AGBL3: variants seen among roughly 807,000 people sequenced by gnomAD.
AGBL3 encodes the protein AGBL carboxypeptidase 3.
Under a neutral mutation model 94.5 loss-of-function variants are expected in AGBL3, and 68 were observed. The observed-to-expected ratio is 0.72, with a 90% CI of 0.59 to 0.88. The LOEUF is 0.88. Ranked by LOEUF, AGBL3 falls within the 40% of genes least tolerant of loss-of-function variation. The pLI, the probability that AGBL3 is intolerant of heterozygous loss-of-function variation, is 0.00. For missense variants in AGBL3, 934 were observed against 1,103.8 expected, an observed-to-expected ratio of 0.85 and a Z score of 2.18; for synonymous variants, 354 against 370.7, an observed-to-expected ratio of 0.95 and a Z score of 0.52.
Position 135,045,270 on chromosome 7 carries a change from G to A in AGBL3, c.1628-204G>A, listed in dbSNP as rs562472053. 7.9e-5 allele frequency among the ~76,000 whole-genome samples: 12 copies of A among 152,054 alleles called. No individual in the cohort carries two copies. The South Asian group carries it at 2.5e-3, about 32-fold the overall frequency. On this transcript the variant is annotated intron_variant, in intron 9 of 16. Coordinates refer to ENST00000436302, the MANE Select transcript of AGBL3 (RefSeq NM_178563.4). ...TTATGCCTTTAAAACATGTACTAAT[G>A]TATGTTAAATCAGCTTTGGTCCAGA...
At chr7:135,058,305 C>T (rs545717194) in intron 11 of AGBL3, among the ~76,000 whole-genome samples, 145 of 152,024 alleles carry the variant, frequency 9.5e-4, no homozygotes, top group Non-Finnish European at 1.6e-3. Flanking sequence ...AAAATACAAC[C>T]CAGAAATATT....
chr7:135,036,725 A>G (rs987546893), intron 7 of AGBL3, among the ~76,000 whole-genome samples: 6 of 152,230 alleles, frequency 3.9e-5, no homozygotes, highest in South Asian at 2.1e-4. Flanking sequence ...ACATAAGGTC[A>G]GTATTGAAGG....
At chr7:135,065,317 A>G (rs1412786908) in intron 12 of AGBL3, among the ~76,000 whole-genome samples, 1 of 152,244 alleles carries the variant, frequency 6.6e-6, no homozygotes, top group Non-Finnish European at 1.5e-5. Flanking sequence ...TCACAGAAAT[A>G]GAACAAACAG....
chr7:135,134,920 C>T lies in AGBL3; in HGVS notation c.2422C>T (p.Gln808Ter). The T allele has an allele frequency of 1.3e-6, 2 of 1,550,958 alleles. No individual in the cohort carries two copies. Among genetic ancestry groups the T allele is most frequent in the Non-Finnish European group, 1.7e-6 (2 of 1,146,594 alleles). ...ACCCAGAAATCACCCTTTTGTAATC[C>T]AAGGGGATGTTATGGCAAACTCTTC... ...TAPRNHPFVI[Q>*]GDVMANSSEW... Residue 808 changes from glutamine (Q) to a stop codon, truncating the protein, a stop_gained, in exon 17 of 17, where the codon CAA (glutamine) becomes TAA (stop). Coordinates refer to ENST00000436302, the MANE Select transcript of AGBL3 (RefSeq NM_178563.4). LOFTEE classifies it low-confidence loss of function (END_TRUNC).
At chr7:135,020,792 A>G (rs546422981) in intron 5 of AGBL3, among the ~76,000 whole-genome samples, 1 of 152,036 alleles carries the variant, frequency 6.6e-6, no homozygotes, top group Admixed American at 6.5e-5. Flanking sequence ...CATCATTCTG[A>G]GCAAAGTATC....
At chr7:135,078,553 A>C (rs1820662696) in intron 13 of AGBL3, among the ~76,000 whole-genome samples, 1 of 152,146 alleles carries the variant, frequency 6.6e-6, no homozygotes, top group South Asian at 2.1e-4. Context: ...TTTAGTTCTC[A>C]TAAATATATC....
chr7:134,988,576 T>C (rs1224780517), intron 2 of AGBL3, among the ~76,000 whole-genome samples: 2 of 152,204 alleles, frequency 1.3e-5, no homozygotes, highest in Non-Finnish European at 2.9e-5. Context: ...CTCTTAAAGC[T>C]TACTTTAGCT....
intron 14 of AGBL3, among the ~76,000 whole-genome samples, chr7:135,081,141 C>T (rs1820889763): frequency 1.3e-5 from 2 of 151,756 alleles, no homozygotes; most frequent in Non-Finnish European, 2.9e-5. Flanking sequence ...TTATAAGTAA[C>T]TTTTATGTAT....
intron 12 of AGBL3, among the ~76,000 whole-genome samples, chr7:135,068,280 G>A (rs1245982379): frequency 2.0e-5 from 3 of 152,266 alleles, no homozygotes; most frequent in East Asian, 1.9e-4. Flanking sequence ...GAAAGTGACG[G>A]GGAGAATGGA....
intron 8 of AGBL3, among the ~76,000 whole-genome samples, chr7:135,041,650 T>A (rs1393559602): frequency 6.6e-6 from 1 of 152,042 alleles, no homozygotes; most frequent in Non-Finnish European, 1.5e-5. Context: ...CAAAAATTTC[T>A]TAGAAAATAC....
At chr7:135,051,560 T>A (rs1817876907) in intron 11 of AGBL3, among the ~76,000 whole-genome samples, 1 of 152,102 alleles carries the variant, frequency 6.6e-6, no homozygotes, top group South Asian at 2.1e-4. Flanking sequence ...GATATTTAGA[T>A]AACATAGCCT....
At chr7:135,010,683 A>T (rs2133458760) in intron 4 of AGBL3, 1 of 152,326 alleles carries the variant, frequency 6.6e-6, no homozygotes, top group East Asian at 1.9e-4. Flanking sequence ...AGGGAAAAAA[A>T]GTTGTTTTTC....
chr7:135,111,031 C>T (rs2348275), intron 15 of AGBL3, among the ~76,000 whole-genome samples: 144,978 of 152,236 alleles, frequency 0.95, 69,375 homozygotes, highest in Non-Finnish European at 1. Flanking sequence ...CTATTCTAAA[C>T]TTTTTCCTCT....
At chr7:134,987,247 GTC>G (rs1249259166) in intron 1 of AGBL3, among the ~76,000 whole-genome samples, 12 of 152,182 alleles carry the variant, frequency 7.9e-5, no homozygotes, top group Non-Finnish European at 1.3e-4. Flanking sequence ...GAGTCCTTTG[GTC>G]TCTCAAGAAC....
Position 135,037,532 on chromosome 7 carries a change from A to C in AGBL3, c.1452A>C (p.Leu484Phe), listed in dbSNP as rs1322234666. Reference protein sequence around the residue: ...DGSDRSKTLYLQQRIFPLMLS... With the variant: ...DGSDRSKTLYFQQRIFPLMLS... ...GTGACAGATCTAAGACATTATACTT[A>C]CAGCAACGAATCTTCCCACTTATGC... Residue 484 changes from leucine (L) to phenylalanine (F), a missense_variant, in exon 8 of 17, where the codon TTA becomes TTC. By Grantham distance (22) the Leu-to-Phe change is conservative. Coordinates refer to ENST00000436302, the MANE Select transcript of AGBL3 (RefSeq NM_178563.4). 6.5e-7 allele frequency: 1 copy of C among 1,545,792 alleles called. No homozygotes were observed. The highest frequency in any genetic ancestry group is 1.2e-5 in the South Asian group (1 of 83,098).
intron 11 of AGBL3, among the ~76,000 whole-genome samples, chr7:135,052,892 AT>A (rs1422915833): frequency 1.3e-5 from 2 of 152,166 alleles, no homozygotes; most frequent in Admixed American, 6.6e-5. Flanking sequence ...GCACCAATCA[AT>A]ATTCTACAGG....
intron 12 of AGBL3, among the ~76,000 whole-genome samples, chr7:135,062,495 G>A (rs1474815871): frequency 2.6e-5 from 4 of 152,046 alleles, no homozygotes; most frequent in Admixed American, 2.6e-4. Flanking sequence ...TTAGCTTTGG[G>A]TTTGTCATAG....
At chr7:135,131,535 G>A (rs1278535799) in intron 16 of AGBL3, among the ~76,000 whole-genome samples, 1 of 151,816 alleles carries the variant, frequency 6.6e-6, no homozygotes, top group Non-Finnish European at 1.5e-5. Flanking sequence ...ATTAAAATAA[G>A]TGAGATATAG....
intron 13 of AGBL3, among the ~76,000 whole-genome samples, chr7:135,077,146 G>A (rs752911908): frequency 6.8e-6 from 1 of 147,990 alleles, no homozygotes; most frequent in Non-Finnish European, 1.5e-5. Context: ...TATCCCAGGA[G>A]GGGGAGGATA....
Sources: allele counts gnomAD v4.1 joint callset (sites outside exome capture counted in the v4.1 genomes callset), GRCh38; gene constraint gnomAD v4.1.1; transcripts MANE v1.5; gene names NCBI Gene and HGNC (gene_info 2026-07-23, HGNC 2026-07-21).